SLC15A1: variants seen among roughly 807,000 people sequenced by gnomAD.
SLC15A1 encodes Caco-2 oligopeptide transporter.
SLC15A1 carries 83 observed loss-of-function variants against 92.9 expected under a neutral mutation model. The observed-to-expected ratio is 0.89, with a 90% CI of 0.75 to 1.07. The LOEUF is 1.07. Ranked by LOEUF, SLC15A1 falls within the 50% of genes least tolerant of loss-of-function variation. SLC15A1 has a pLI of 0.00. For synonymous variants in SLC15A1, 322 were observed against 318.2 expected, an observed-to-expected ratio of 1.01 and a Z score of -0.13; for missense variants, 857 against 880.1, an observed-to-expected ratio of 0.97 and a Z score of 0.33.
rs908738401 is a variant in SLC15A1, at chr13:98,723,917, C to T, written c.360G>A (p.Val120=). The T allele has an allele frequency of 3.1e-6, 5 of 1,613,976 alleles. No homozygotes were observed. In the African/African-American group the frequency reaches 6.7e-5, roughly 22 times the overall value. The change falls in exon 5 of 23, where the codon GTG becomes GTA. Residue 120 remains valine, a synonymous_variant. Transcript: ENST00000376503. Reference sequence around the variant, plus strand: ...AGCAGTGAGCACCAACTCACACGTGCACAGGAAGGCTGTCGGGGGTGCCAT... The same window carrying T: ...AGCAGTGAGCACCAACTCACACGTGTACAGGAAGGCTGTCGGGGGTGCCAT... ...NHDGTPDSLP[V]HVVLSLIGLA...
At chr13:98,725,675 G>A (rs1292962427) in intron 4 of SLC15A1, among the ~76,000 whole-genome samples, 2 of 152,304 alleles carry the variant, frequency 1.3e-5, no homozygotes, top group East Asian at 1.9e-4. Flanking sequence ...TCTAGGGACA[G>A]GATACTGAGC....
intron 14 of SLC15A1, 65 bp downstream of exon 14, chr13:98,709,507 G>T: frequency 4.5e-6 from 6 of 1,332,018 alleles, no homozygotes; most frequent in African/African-American, 1.4e-5. Flanking sequence ...CAGGCTGAGC[G>T]CAGCCCATCT....
At chr13:98,706,916 CTAAACAAATATCCT>C in intron 15 of SLC15A1, among the ~76,000 whole-genome samples, 1 of 152,222 alleles carries the variant, frequency 6.6e-6, no homozygotes, top group Admixed American at 6.5e-5. Context: ...TCACTATAAC[CTAAACAAATATCCT>C]TCTTGTCATG....
At chr13:98,695,583 G>A (rs1251708826) in intron 18 of SLC15A1, among the ~76,000 whole-genome samples, 1 of 151,900 alleles carries the variant, frequency 6.6e-6, no homozygotes, top group African/African-American at 2.4e-5. Flanking sequence ...AGTAGAGATG[G>A]GGTTTCACCA....
At chr13:98,693,706 A>C (rs1265768930) in intron 18 of SLC15A1, among the ~76,000 whole-genome samples, 2 of 152,188 alleles carry the variant, frequency 1.3e-5, no homozygotes, top group African/African-American at 4.8e-5. Context: ...GCAGCACAAA[A>C]GTTTTCAATT....
At chr13:98,736,445 A>T (rs1369084997) in intron 1 of SLC15A1, among the ~76,000 whole-genome samples, 1 of 152,232 alleles carries the variant, frequency 6.6e-6, no homozygotes, top group Non-Finnish European at 1.5e-5. Context: ...GAACTTCACG[A>T]GTAAAACACC....
intron 8 of SLC15A1, among the ~76,000 whole-genome samples, chr13:98,716,576 C>T (rs1440063025): frequency 2.0e-5 from 3 of 150,954 alleles, no homozygotes; most frequent in Admixed American, 6.6e-5. Flanking sequence ...GAAATGAGAT[C>T]GTGTCACTGC....
chr13:98,716,874 G>A (rs1005651706), intron 8 of SLC15A1, among the ~76,000 whole-genome samples: 1 of 151,986 alleles, frequency 6.6e-6, no homozygotes, highest in Non-Finnish European at 1.5e-5. Flanking sequence ...GTCATATTGT[G>A]AAAATAACTT....
intron 8 of SLC15A1, among the ~76,000 whole-genome samples, chr13:98,717,483 G>T (rs2088220064): frequency 6.6e-6 from 1 of 152,178 alleles, no homozygotes; most frequent in African/African-American, 2.4e-5. Context: ...GTTGATAGAG[G>T]AATGACTTGT....
intron 17 of SLC15A1, among the ~76,000 whole-genome samples, chr13:98,702,986 A>T (rs1235949198): frequency 1.3e-5 from 2 of 149,078 alleles, no homozygotes; most frequent in Non-Finnish European, 3.0e-5. Flanking sequence ...AAAAAAAAAA[A>T]AAAAAAAGAA....
At position 98,721,522 on chromosome 13, in the gene SLC15A1, A is replaced by T; in HGVS notation, c.529T>A (p.Ser177Thr). Residue 177 changes from serine to threonine, a missense_variant, in exon 7 of 23, where the codon TCC (serine) becomes ACC (threonine). Coordinates refer to ENST00000376503, the MANE Select transcript of SLC15A1 (RefSeq NM_005073.4). ...CTGAGCATGGGTGTGATGATTGTGG[A>T]AAGCAAACTTCCAGCATTAATAGCC... ...YLAINAGSLL[S>T]TIITPMLRVQ... The T allele has an allele frequency of 6.2e-7, 1 of 1,613,364 alleles. No homozygotes were observed. Among genetic ancestry groups the T allele is most frequent in the Non-Finnish European group, 8.5e-7 (1 of 1,179,602 alleles).
At position 98,704,441 on chromosome 13, in the gene SLC15A1, G is replaced by A. The variant is rs753458075; in HGVS notation, c.1270-6C>T. 1.2e-6 allele frequency: 2 copies of A among 1,610,726 alleles called. No homozygotes were observed. Among genetic ancestry groups the A allele is most frequent in the Non-Finnish European group, 1.7e-6 (2 of 1,178,460 alleles). ...AAAGTCATAAATGCATTTGTCTATA[G>A]AGGGAGGGAAAGAGGCATAGTTAAT... is the stretch of plus-strand genomic sequence containing the variant. On this transcript the variant is annotated splice_polypyrimidine_tract_variant and splice_region_variant and intron_variant, in intron 16 of 22. Coordinates refer to ENST00000376503, the MANE Select transcript of SLC15A1 (RefSeq NM_005073.4).
Position 98,688,335 on chromosome 13 carries a change from T to A in SLC15A1, c.1596A>T (p.Ser532=), listed in dbSNP as rs765774613. The A allele has an allele frequency of 2.2e-5, 35 of 1,613,798 alleles. No homozygotes were observed. Among genetic ancestry groups the A allele is most frequent in the Non-Finnish European group, 2.9e-5 (34 of 1,179,950 alleles). Residue 532 remains serine (S), a synonymous_variant, in exon 20 of 23, where the codon TCA becomes TCT. Coordinates refer to ENST00000376503, the MANE Select transcript of SLC15A1 (RefSeq NM_005073.4). The part of the protein sequence containing the change: ...PSGIKGFTIS[S]TEIPPQCQPN... ...GTTGACATTGTGGCGGAATCTCTGT[T>A]GAGCTTATTGTGAAGCCTTTTCTAT...
chr13:98,746,994 C>T (rs925324423), intron 1 of SLC15A1, among the ~76,000 whole-genome samples: 2 of 152,166 alleles, frequency 1.3e-5, no homozygotes, highest in Non-Finnish European at 2.9e-5. Flanking sequence ...CATCCTAAAC[C>T]CCAAAAACCA....
At chr13:98,691,202 C>T (rs1382672821) in intron 18 of SLC15A1, among the ~76,000 whole-genome samples, 2 of 152,112 alleles carry the variant, frequency 1.3e-5, no homozygotes, top group Non-Finnish European at 2.9e-5. Context: ...CGCCACCGCA[C>T]CTGGCTAATT....
At chr13:98,690,623 C>G (rs1017974520) in intron 18 of SLC15A1, among the ~76,000 whole-genome samples, 3 of 152,076 alleles carry the variant, frequency 2.0e-5, no homozygotes, top group African/African-American at 7.2e-5. Context: ...AAACACAGTC[C>G]GAGTAACTTA....
At chr13:98,732,919 C>T (rs1481043323) in intron 1 of SLC15A1, among the ~76,000 whole-genome samples, 1 of 152,170 alleles carries the variant, frequency 6.6e-6, no homozygotes, top group Non-Finnish European at 1.5e-5. Flanking sequence ...GATACGTTCC[C>T]TCCCATGGCA....
intron 10 of SLC15A1, among the ~76,000 whole-genome samples, chr13:98,712,255 C>T (rs2088169799): frequency 6.6e-6 from 1 of 152,124 alleles, no homozygotes; most frequent in Admixed American, 6.6e-5. Context: ...ATCCCAATTA[C>T]ATATAATTAA....
intron 16 of SLC15A1, among the ~76,000 whole-genome samples, 157 bp downstream of exon 16, chr13:98,705,977 A>G (rs1344731631): frequency 6.6e-6 from 1 of 152,154 alleles, no homozygotes; most frequent in Admixed American, 6.5e-5. Context: ...TGTGGAGCAC[A>G]CTGGTTTAGA....
Sources: gnomAD v4.1 joint callset for allele counts (sites outside exome capture counted in the v4.1 genomes callset) on GRCh38, gnomAD v4.1.1 for gene constraint, MANE v1.5 for transcripts, NCBI Gene and HGNC (gene_info 2026-07-23, HGNC 2026-07-21) for gene names.